The following CADM1 variants were observed in gnomAD, a reference collection of about 807,000 sequenced individuals.
CADM1 encodes cell adhesion molecule 1.
A neutral mutation model predicts 53.1 loss-of-function variants in CADM1; 15 were observed. The ratio of observed to expected loss-of-function variants is 0.28; its 90% CI spans 0.19 to 0.44. The LOEUF is 0.44. CADM1 is among the 20% of genes least tolerant of loss of function. The pLI is 1.00. For missense variants in CADM1, 434 were observed against 611.3 expected, an observed-to-expected ratio of 0.71 and a Z score of 3.06; for synonymous variants, 281 against 243.0, an observed-to-expected ratio of 1.16 and a Z score of -1.45.
intron 1 of CADM1, among the ~76,000 whole-genome samples, chr11:115,404,190 G>A (rs1947238228): frequency 6.7e-6 from 1 of 149,818 alleles, no homozygotes; most frequent in South Asian, 2.1e-4. Flanking sequence ...GCTGGGTGTG[G>A]TGATGCACAC....
At chr11:115,427,506 G>A (rs1947919880) in intron 1 of CADM1, among the ~76,000 whole-genome samples, 1 of 152,124 alleles carries the variant, frequency 6.6e-6, no homozygotes, top group African/African-American at 2.4e-5. Flanking sequence ...AAGTAGAGAT[G>A]ATAGATAGAT....
At chr11:115,275,244 G>C (rs908565609) in intron 1 of CADM1, among the ~76,000 whole-genome samples, 2 of 151,870 alleles carry the variant, frequency 1.3e-5, no homozygotes, top group African/African-American at 4.8e-5. Flanking sequence ...TCCTCCTCTC[G>C]CCCACGTCTT....
chr11:115,270,505 G>C (rs763725764), intron 1 of CADM1, among the ~76,000 whole-genome samples: 5 of 152,054 alleles, frequency 3.3e-5, no homozygotes, highest in Non-Finnish European at 7.3e-5. Context: ...TATTCTTGTT[G>C]CAACTACAGG....
intron 1 of CADM1, among the ~76,000 whole-genome samples, chr11:115,380,244 T>C (rs558598122): frequency 1.9e-3 from 294 of 151,856 alleles, no homozygotes; most frequent in Non-Finnish European, 3.5e-3. Flanking sequence ...AATTATAAAA[T>C]GGTCAGTTGG....
chr11:115,357,137 A>T (rs903831688), intron 1 of CADM1, among the ~76,000 whole-genome samples: 2 of 152,118 alleles, frequency 1.3e-5, no homozygotes, highest in Non-Finnish European at 2.9e-5. Flanking sequence ...ATGGAGAAGC[A>T]ATGTCCCTCG....
At chr11:115,408,526 T>C (rs1187919667) in intron 1 of CADM1, among the ~76,000 whole-genome samples, 1 of 152,218 alleles carries the variant, frequency 6.6e-6, no homozygotes, top group African/African-American at 2.4e-5. Context: ...ACTGTGTTGG[T>C]TACTGACCTA....
chr11:115,302,245 C>A, intron 1 of CADM1, among the ~76,000 whole-genome samples: 1 of 152,114 alleles, frequency 6.6e-6, no homozygotes, highest in Admixed American at 6.6e-5. Flanking sequence ...GTACAACAAA[C>A]CCCCTTTACA....
intron 1 of CADM1, among the ~76,000 whole-genome samples, chr11:115,260,648 T>C (rs1159712026): frequency 6.6e-6 from 1 of 152,108 alleles, no homozygotes; most frequent in African/African-American, 2.4e-5. Context: ...GATTCCTAAG[T>C]GCTTTTTTTA....
chr11:115,475,165 A>C (rs887774929), intron 1 of CADM1, among the ~76,000 whole-genome samples: 1 of 152,204 alleles, frequency 6.6e-6, no homozygotes, highest in African/African-American at 2.4e-5. Flanking sequence ...TCTCCTGTAT[A>C]CTTTAAATCT....
At chr11:115,322,669 T>C (rs564776376) in intron 1 of CADM1, among the ~76,000 whole-genome samples, 97 of 152,314 alleles carry the variant, frequency 6.4e-4, no homozygotes, top group African/African-American at 2.3e-3. Flanking sequence ...ATAAAATATG[T>C]GGCCTTTGGG....
intron 1 of CADM1, among the ~76,000 whole-genome samples, chr11:115,353,934 A>C (rs549837040): frequency 4.5e-4 from 68 of 152,304 alleles, no homozygotes; most frequent in African/African-American, 1.4e-3. Context: ...AAGGCTAAAA[A>C]ACTAGGCTAC....
chr11:115,401,217 T>C (rs1167297235), intron 1 of CADM1, among the ~76,000 whole-genome samples: 3 of 152,204 alleles, frequency 2.0e-5, no homozygotes, highest in Non-Finnish European at 4.4e-5. Context: ...CTTAAATTCA[T>C]ATTAATAAAT....
intron 1 of CADM1, among the ~76,000 whole-genome samples, chr11:115,362,539 G>A (rs187997764): frequency 6.6e-6 from 1 of 152,268 alleles, no homozygotes; most frequent in Non-Finnish European, 1.5e-5. Flanking sequence ...AGTTTAGTTG[G>A]TAAGAAATTT....
intron 9 of CADM1, chr11:115,193,889 C>T (rs971663073): frequency 2.6e-5 from 4 of 152,264 alleles, no homozygotes; most frequent in Middle Eastern, 3.4e-3. Context: ...CTCTTACTTC[C>T]ACCACCAGCC....
intron 1 of CADM1, among the ~76,000 whole-genome samples, chr11:115,366,139 T>C (rs575844774): frequency 1.6e-4 from 25 of 152,332 alleles, no homozygotes; most frequent in South Asian, 4.1e-4. Flanking sequence ...CAGATAGCAC[T>C]GGCATTTTCT....
chr11:115,408,427 A>T (rs1947371785), intron 1 of CADM1, among the ~76,000 whole-genome samples: 1 of 152,234 alleles, frequency 6.6e-6, no homozygotes. Flanking sequence ...AAAAGGAATA[A>T]ATCAATGAAG....
chr11:115,295,169 C>T (rs987091560), intron 1 of CADM1, among the ~76,000 whole-genome samples: 22 of 152,134 alleles, frequency 1.4e-4, no homozygotes, highest in African/African-American at 1.9e-4. Flanking sequence ...TACACTCTGA[C>T]GCATTTCATC....
intron 8 of CADM1, among the ~76,000 whole-genome samples, chr11:115,202,898 CA>C (rs917230747): frequency 6.7e-6 from 1 of 149,312 alleles, no homozygotes; most frequent in African/African-American, 2.5e-5. Flanking sequence ...CGATCGAAAA[CA>C]AAAATAACTG....
intron 1 of CADM1, among the ~76,000 whole-genome samples, chr11:115,408,561 T>C (rs567650941): frequency 1.3e-5 from 2 of 152,336 alleles, no homozygotes; most frequent in South Asian, 2.1e-4. Flanking sequence ...AGGAAGGATA[T>C]GCCCCCATCC....
Sources: allele counts gnomAD v4.1 joint callset (sites outside exome capture counted in the v4.1 genomes callset), GRCh38; gene constraint gnomAD v4.1.1; transcripts MANE v1.5; gene names NCBI Gene and HGNC (gene_info 2026-07-23, HGNC 2026-07-21).